Variants in KLRF1 observed in about 807,000 individuals in gnomAD.
The protein encoded by KLRF1 is killer cell lectin like receptor F1.
KLRF1 carries 27 observed loss-of-function variants against 30.7 expected under a neutral mutation model. The ratio of observed to expected loss-of-function variants is 0.88; its 90% CI spans 0.65 to 1.21. KLRF1 has a LOEUF of 1.21. KLRF1 is among the 50% of genes most tolerant of loss of function. The pLI is 0.00. For missense variants in KLRF1, 246 were observed against 259.3 expected (o/e 0.95, Z 0.35); for synonymous variants, 92 against 89.3 (o/e 1.03, Z -0.17).
At chr12:9,825,684 G>T (rs1163750595), upstream of KLRF1, among the ~76,000 whole-genome samples, 1 of 152,000 alleles carries the variant, frequency 6.6e-6, no homozygotes, top group Non-Finnish European at 1.5e-5. Flanking sequence ...ATAATTAACT[G>T]TAAGAGCTTC....
chr12:9,838,262 C>G (rs1314065074), intron 3 of KLRF1, among the ~76,000 whole-genome samples: 2 of 152,070 alleles, frequency 1.3e-5, no homozygotes, highest in Non-Finnish European at 2.9e-5. Context: ...AAATAAACAA[C>G]TTTGACTGGC....
upstream of KLRF1, among the ~76,000 whole-genome samples, chr12:9,823,848 A>G (rs1049111020): frequency 6.6e-6 from 1 of 152,136 alleles, no homozygotes; most frequent in Non-Finnish European, 1.5e-5. Context: ...GACTACTACA[A>G]ACACCTCTAT....
chr12:9,818,781 A>T, the KLRF1 span, among the ~76,000 whole-genome samples: 1 of 152,094 alleles, frequency 6.6e-6, no homozygotes, highest in African/African-American at 2.4e-5. Flanking sequence ...AATTGTCAGT[A>T]TTTTTTTGTC....
In KLRF1 at chr12:9,844,540, T is replaced by A; in HGVS notation, c.*14T>A. On this transcript the variant is annotated 3_prime_UTR_variant, in exon 6 of 6. Coordinates refer to ENST00000617889, the MANE Select transcript of KLRF1 (RefSeq NM_016523.3). ...TGTCAGTATTAGAGTTTGACAAAAT[T>A]CACAGTGAAATAATCAATGATCACT... 6.6e-6 allele frequency: 9 copies of A among 1,362,634 alleles called. No individual in the cohort carries two copies. The highest frequency in any genetic ancestry group is 8.4e-6 in the Non-Finnish European group (8 of 957,000). 84.4% of individuals were successfully genotyped at this position (1,362,634 alleles called of 1,614,324 possible).
the KLRF1 span, among the ~76,000 whole-genome samples, chr12:9,808,784 G>C: frequency 1.3e-5 from 2 of 152,078 alleles, no homozygotes; most frequent in African/African-American, 2.4e-5. Flanking sequence ...GAATGACCTC[G>C]TATTCTTGGT....
At chr12:9,812,905 A>G in the KLRF1 span, among the ~76,000 whole-genome samples, 1 of 152,112 alleles carries the variant, frequency 6.6e-6, no homozygotes, top group Non-Finnish European at 1.5e-5. Flanking sequence ...TTACTTATTC[A>G]TTTAATTTTG....
the KLRF1 span, chr12:9,817,295 C>G: frequency 5.1e-6 from 1 of 197,484 alleles, no homozygotes; most frequent in Non-Finnish European, 1.1e-5. Context: ...ATTTAGCTCA[C>G]ACGAATATAC....
chr12:9,821,578 G>T, the KLRF1 span, among the ~76,000 whole-genome samples: 1 of 152,008 alleles, frequency 6.6e-6, no homozygotes, highest in Non-Finnish European at 1.5e-5. Context: ...CCTCTCTGGG[G>T]TAGAGCCCCT....
At position 9,842,401 on chromosome 12, in the gene KLRF1, T is replaced by G. The variant is rs766843175; in HGVS notation, c.555T>G (p.Thr185=). 6.2e-7 allele frequency: 1 copy of G among 1,612,380 alleles called. No individual in the cohort carries two copies. The highest frequency in any genetic ancestry group is 1.1e-5 in the South Asian group (1 of 91,012). The change falls in exon 5 of 6, where the codon ACT becomes ACG. Residue 185 remains threonine, a synonymous_variant. Transcript: ENST00000617889. ...TTACCTCCTTGAAAATGACATGGAC[T>G]TGGGTGGATGGTTCTCCAATAGATT... ...LNFTSLKMTW[T]WVDGSPIDSK... is the part of the protein sequence containing the mutation.
At chr12:9,827,699 T>G in intron 1 of KLRF1, 70 bp downstream of exon 1, 1 of 842,090 alleles carries the variant, frequency 1.2e-6, no homozygotes, top group South Asian at 1.5e-5. Flanking sequence ...CCTGTTCCAT[T>G]GTGTTATTGG....
At chr12:9,822,785 A>G (rs779549585), upstream of KLRF1, among the ~76,000 whole-genome samples, 4 of 152,278 alleles carry the variant, frequency 2.6e-5, no homozygotes, top group South Asian at 8.3e-4. Flanking sequence ...TCTAACAAGC[A>G]AATGAAAATC....
At chr12:9,842,053 T>C (rs1168147613) in intron 4 of KLRF1, 102 bp downstream of exon 4, 2 of 1,328,492 alleles carry the variant, frequency 1.5e-6, no homozygotes, top group African/African-American at 1.5e-5. Flanking sequence ...ACCTTGATTA[T>C]CGAGTTTTGG....
At chr12:9,836,118 G>A (rs1004147202) in intron 3 of KLRF1, among the ~76,000 whole-genome samples, 1 of 152,044 alleles carries the variant, frequency 6.6e-6, no homozygotes, top group Non-Finnish European at 1.5e-5. Context: ...GAGAGAATAA[G>A]TAACGTTGGT....
At chr12:9,839,094 A>G (rs1867648222) in intron 3 of KLRF1, among the ~76,000 whole-genome samples, 1 of 152,108 alleles carries the variant, frequency 6.6e-6, no homozygotes, top group Non-Finnish European at 1.5e-5. Context: ...ACCATAAACT[A>G]GGTTGCTTAT....
chr12:9,844,510 G>T lies in KLRF1; in HGVS notation c.680G>T (p.Trp227Leu). The change falls in exon 6 of 6, where the codon TGG becomes TTG. Residue 227 changes from tryptophan to leucine, a missense_variant. Transcript: ENST00000617889. ...FSETCSSVFK[W>L]ICQY ...GAAACCTGCAGCAGTGTTTTCAAAT[G>T]GATTTGTCAGTATTAGAGTTTGACA... 1.3e-6 allele frequency: 2 copies of T among 1,594,780 alleles called. No homozygotes were observed. The highest frequency in any genetic ancestry group is 1.1e-5 in the South Asian group (1 of 90,458).
At chr12:9,827,414 AT>A (rs1375450553), upstream of KLRF1, 8 of 519,654 alleles carry the variant, frequency 1.5e-5, no homozygotes, top group South Asian at 2.9e-5. Context: ...GTGAACCCTC[AT>A]ATGTACTGTG....
At chr12:9,813,103 T>C in the KLRF1 span, among the ~76,000 whole-genome samples, 3 of 152,102 alleles carry the variant, frequency 2.0e-5, no homozygotes, top group African/African-American at 7.2e-5. Context: ...GCCAGTCTCA[T>C]GGCATTCCCT....
At chr12:9,826,111 A>C (rs76770096), upstream of KLRF1, among the ~76,000 whole-genome samples, 1 of 152,178 alleles carries the variant, frequency 6.6e-6, no homozygotes, top group African/African-American at 2.4e-5. Context: ...AAAAGGGTAT[A>C]TTGTGTTTTT....
At chr12:9,841,181 G>A (rs192189551) in intron 3 of KLRF1, among the ~76,000 whole-genome samples, 1 of 152,180 alleles carries the variant, frequency 6.6e-6, no homozygotes, top group East Asian at 1.9e-4. Context: ...TGGAGCTGGA[G>A]GCTATTATCC....
Sources: gnomAD v4.1 joint callset for allele counts (sites outside exome capture counted in the v4.1 genomes callset) on GRCh38, gnomAD v4.1.1 for gene constraint, MANE v1.5 for transcripts, NCBI Gene and HGNC (gene_info 2026-07-23, HGNC 2026-07-21) for gene names.